Variants in ZNF30 observed in about 807,000 individuals in gnomAD.
The protein encoded by ZNF30 is zinc finger protein 30, also known as zinc finger protein 30 (KOX 28).
A neutral mutation model predicts 13.2 loss-of-function variants in ZNF30; 15 were observed. The ratio of observed to expected loss-of-function variants is 1.13; its 90% CI spans 0.76 to 1.75. The LOEUF is 1.75. ZNF30 is among the 40% of genes most tolerant of loss of function. The pLI is 0.00. For synonymous variants in ZNF30, 223 were observed against 256.6 expected (o/e 0.87, Z 1.25); for missense variants, 726 against 757.0 (o/e 0.96, Z 0.48).
At chr19:34,925,215 G>T (rs998067534), upstream of ZNF30, among the ~76,000 whole-genome samples, 4 of 152,186 alleles carry the variant, frequency 2.6e-5, no homozygotes, top group Non-Finnish European at 5.9e-5. Context: ...GTCCGCAGGC[G>T]GCTTATGTTA....
chr19:34,930,296 G>T (rs1444232675), intron 2 of ZNF30, among the ~76,000 whole-genome samples: 2 of 152,254 alleles, frequency 1.3e-5, no homozygotes, highest in African/African-American at 2.4e-5. Context: ...GCTTCATCTG[G>T]CCACACATCA....
chr19:34,928,496 T>C (rs182160662), intron 1 of ZNF30, among the ~76,000 whole-genome samples: 16 of 152,140 alleles, frequency 1.1e-4, no homozygotes, highest in African/African-American at 3.9e-4. Context: ...TATTACAGTA[T>C]GCTATTATAG....
At position 34,927,183 on chromosome 19, in the gene ZNF30, C is replaced by T. The variant is rs1165639586; in HGVS notation, c.-98C>T. The T allele has an allele frequency of 5.2e-6, 2 of 387,532 alleles. No homozygotes were observed. The highest frequency in any genetic ancestry group is 9.1e-6 in the Non-Finnish European group (2 of 219,638). 24.0% of individuals were successfully genotyped at this position (387,532 alleles called of 1,614,324 possible). ...AACACAGCACCGGGAGCTCTGCAGACCTGTGTCGGCGCGGAACCCGGACTG... is the reference window on the plus strand; with the variant it reads ...AACACAGCACCGGGAGCTCTGCAGATCTGTGTCGGCGCGGAACCCGGACTG... On this transcript the variant is annotated 5_prime_UTR_variant, in exon 1 of 5. Transcript: ENST00000601142.
At chr19:34,940,532 G>T (rs1568542522) in intron 4 of ZNF30, among the ~76,000 whole-genome samples, 1 of 151,850 alleles carries the variant, frequency 6.6e-6, no homozygotes, top group Non-Finnish European at 1.5e-5. Context: ...GCTGGGTATG[G>T]TGGTGCACAT....
At chr19:34,928,561 G>A (rs1036718259) in intron 1 of ZNF30, among the ~76,000 whole-genome samples, 1 of 152,038 alleles carries the variant, frequency 6.6e-6, no homozygotes, top group East Asian at 1.9e-4. Context: ...GGCCGGGTGC[G>A]GTGGCTCACG....
At chr19:34,941,274 T>G (rs1196648487) in intron 4 of ZNF30, among the ~76,000 whole-genome samples, 1 of 152,170 alleles carries the variant, frequency 6.6e-6, no homozygotes, top group Non-Finnish European at 1.5e-5. Flanking sequence ...TTTTGTTTTG[T>G]TTTGTTTTGA....
chr19:34,929,979 A>T (rs753055096), intron 2 of ZNF30, 23 bp downstream of exon 2: 1 of 1,600,008 alleles, frequency 6.2e-7, no homozygotes, highest in Non-Finnish European at 8.5e-7. Flanking sequence ...TTCTTCTTGA[A>T]ATATGGGGAT....
chr19:34,925,130 A>G (rs554763385), upstream of ZNF30, among the ~76,000 whole-genome samples: 6 of 151,876 alleles, frequency 4.0e-5, no homozygotes, highest in African/African-American at 1.5e-4. Context: ...TGGGGCTCTG[A>G]CCCCATGGCA....
chr19:34,925,433 T>C (rs1352350419), upstream of ZNF30, among the ~76,000 whole-genome samples: 8 of 152,194 alleles, frequency 5.3e-5, no homozygotes, highest in Admixed American at 5.2e-4. Context: ...GCACCGGCTC[T>C]CCTTGGACTG....
At chr19:34,933,993 GT>G (rs1183324974) in intron 4 of ZNF30, among the ~76,000 whole-genome samples, 2 of 152,094 alleles carry the variant, frequency 1.3e-5, no homozygotes, top group Non-Finnish European at 2.9e-5. Flanking sequence ...TATTCCATCT[GT>G]GTATTGAATT....
Position 34,943,631 on chromosome 19 carries a change from A to G in ZNF30, c.665A>G (p.His222Arg), listed in dbSNP as rs1568544953. Reference protein sequence around the residue: ...TISGSYQLTVHKSIHTGKKPY... With the variant: ...TISGSYQLTVRKSIHTGKKPY... ...AGTGGTAGCTATCAACTTACAGTAC[A>G]TAAGAGTATTCATACTGGGAAGAAA... Residue 222 changes from histidine to arginine, a missense_variant, in exon 5 of 5, where the codon CAT (histidine) becomes CGT (arginine). Physicochemically the swap from His to Arg is conservative, Grantham distance 29. Transcript: ENST00000601142. The G allele has an allele frequency of 3.1e-6, 5 of 1,613,822 alleles. No individual in the cohort carries two copies. Among genetic ancestry groups the G allele is most frequent in the South Asian group, 2.2e-5 (2 of 91,024 alleles).
chr19:34,933,470 T>G lies in ZNF30; in HGVS notation c.161-158T>G, dbSNP rs143095733. On this transcript the variant is annotated intron_variant, in intron 3 of 4. Coordinates refer to ENST00000601142, the MANE Select transcript of ZNF30 (RefSeq NM_194325.3). ...TGTCTCTACATAAATAAAACCGTTC[T>G]CTACCTGTCTGGAATTATGAATCCC... 5.2e-4 allele frequency: 261 copies of G among 505,130 alleles called. 2 individuals carry two copies. Among genetic ancestry groups the G allele is most frequent in the African/African-American group, 4.7e-3 (239 of 51,136 alleles). The allele number at this position is 505,130 out of a possible 1,614,324, so 31.3% of individuals were successfully genotyped here.
intron 4 of ZNF30, among the ~76,000 whole-genome samples, chr19:34,934,915 G>T (rs2012642650): frequency 6.6e-6 from 1 of 152,028 alleles, no homozygotes; most frequent in Non-Finnish European, 1.5e-5. Context: ...ACATATCCCA[G>T]AACTTAAAGT....
rs2013200794 is a variant in ZNF30, at chr19:34,944,121, A to G, written c.1155A>G (p.Ser385=). Residue 385 remains serine (S), a synonymous_variant, in exon 5 of 5, where the codon TCA becomes TCG. Coordinates refer to ENST00000601142, the MANE Select transcript of ZNF30 (RefSeq NM_194325.3). ...KECGRTFSRA[S]YLVQHGRLHT... Reference sequence around the variant, plus strand: ...GCGGGAGAACCTTCAGTCGTGCCTCATATCTTGTTCAACATGGAAGACTTC... The same window carrying G: ...GCGGGAGAACCTTCAGTCGTGCCTCGTATCTTGTTCAACATGGAAGACTTC... 6.2e-7 allele frequency: 1 copy of G among 1,613,774 alleles called. No homozygotes were observed. The highest frequency in any genetic ancestry group is 1.3e-5 in the African/African-American group (1 of 75,020).
At chr19:34,941,217 G>T (rs1426939644) in intron 4 of ZNF30, among the ~76,000 whole-genome samples, 1 of 152,168 alleles carries the variant, frequency 6.6e-6, no homozygotes, top group Non-Finnish European at 1.5e-5. Context: ...AAAAGGCTTG[G>T]AGGTAGAAGG....
At chr19:34,937,974 T>G (rs1208444081) in intron 4 of ZNF30, among the ~76,000 whole-genome samples, 1 of 152,096 alleles carries the variant, frequency 6.6e-6, no homozygotes, top group East Asian at 1.9e-4. Context: ...TTTTGTATTT[T>G]TAGTAGAGGT....
intron 4 of ZNF30, among the ~76,000 whole-genome samples, chr19:34,942,222 G>C (rs1479808265): frequency 1.3e-5 from 2 of 152,012 alleles, no homozygotes; most frequent in Non-Finnish European, 2.9e-5. Context: ...GTGGGAGGAC[G>C]ACTTGAGCCT....
At chr19:34,943,143 T>G in intron 4 of ZNF30, 80 bp from the exon 5 acceptor site, 1 of 1,079,044 alleles carries the variant, frequency 9.3e-7, no homozygotes. Context: ...CTAGTTGGTG[T>G]TATTTTCAGT....
At position 34,943,269 on chromosome 19, in the gene ZNF30, C is replaced by T. The variant is rs1297832642; in HGVS notation, c.303C>T (p.Thr101=). Residue 101 remains threonine, a synonymous_variant, in exon 5 of 5, where the codon ACC becomes ACT. Transcript: ENST00000601142. ...CAATCGGCTGTAAAGAAATGCCCACCTCTGAAAACTGTCCATCTTTTGCTC... is the reference window on the plus strand; with the variant it reads ...CAATCGGCTGTAAAGAAATGCCCACTTCTGAAAACTGTCCATCTTTTGCTC... ...DDTIGCKEMP[T]SENCPSFALH... The T allele has an allele frequency of 2.5e-6, 4 of 1,611,452 alleles. No individual in the cohort carries two copies. Among genetic ancestry groups the T allele is most frequent in the Non-Finnish European group, 2.5e-6 (3 of 1,178,844 alleles).
Sources: gnomAD v4.1 joint callset for allele counts (sites outside exome capture counted in the v4.1 genomes callset) on GRCh38, gnomAD v4.1.1 for gene constraint, MANE v1.5 for transcripts, NCBI Gene and HGNC (gene_info 2026-07-23, HGNC 2026-07-21) for gene names.